The following DMD variants were observed in gnomAD, a reference collection of about 807,000 sequenced individuals.
The protein encoded by DMD is mutant dystrophin.
DMD carries 63 observed loss-of-function variants against 330.1 expected under a neutral mutation model. That is an observed-to-expected ratio of 0.19 (90% CI 0.16 to 0.24). The LOEUF (loss-of-function observed/expected upper bound fraction) is 0.24, where lower values mean the gene tolerates loss of function less well. Among genes scored for constraint, DMD ranks in the 10% least tolerant of loss-of-function variants. The pLI, the probability that DMD is intolerant of heterozygous loss-of-function variation, is 1.00. For missense variants in DMD, 3,344 were observed against 2,684.1 expected, an observed-to-expected ratio of 1.25 and a Z score of -5.43; for synonymous variants, 1,223 against 959.8, an observed-to-expected ratio of 1.27 and a Z score of -5.07.
chrX:31,663,272 G>A (rs968370280), intron 53 of DMD, among the ~76,000 whole-genome samples: 4 of 111,382 alleles, frequency 3.6e-5, no homozygotes, highest in African/African-American at 9.8e-5. Context: ...ATTAGCACCC[G>A]ATGGTTCTGG....
intron 44 of DMD, among the ~76,000 whole-genome samples, chrX:32,205,480 G>C (rs138157861): frequency 1.5e-3 from 162 of 109,939 alleles, no homozygotes; most frequent in African/African-American, 4.6e-3. Flanking sequence ...CCTCTGCTCT[G>C]ACTCATCAAT....
intron 44 of DMD, among the ~76,000 whole-genome samples, chrX:32,072,895 C>T (rs775234858): frequency 9.0e-5 from 10 of 111,433 alleles, no homozygotes; most frequent in Non-Finnish European, 1.1e-4. Context: ...GTTTAATACT[C>T]GGCAAAGGAC....
chrX:32,311,301 T>G (rs191842132), intron 41 of DMD, among the ~76,000 whole-genome samples: 107 of 111,291 alleles, frequency 9.6e-4, no homozygotes, highest in African/African-American at 3.3e-3. Flanking sequence ...CATTTATTAC[T>G]GCACAGCCTT....
chrX:32,624,947 C>T (rs1043974954), intron 11 of DMD, among the ~76,000 whole-genome samples: 17 of 111,115 alleles, frequency 1.5e-4, no homozygotes, highest in African/African-American at 5.6e-4. Context: ...GCTGAGGCGG[C>T]GGATCACAAG....
intron 50 of DMD, among the ~76,000 whole-genome samples, chrX:31,812,548 C>G (rs2092493426): frequency 9.2e-6 from 1 of 108,911 alleles, no homozygotes; most frequent in African/African-American, 3.4e-5. Flanking sequence ...GCACATGTAC[C>G]CTAAAACTTA....
chrX:31,462,562 G>C (rs1054161758), intron 59 of DMD, among the ~76,000 whole-genome samples: 4 of 111,764 alleles, frequency 3.6e-5, no homozygotes, highest in African/African-American at 1.3e-4. Context: ...ACAATGTGAG[G>C]TTTCACCTGA....
intron 2 of DMD, among the ~76,000 whole-genome samples, chrX:32,863,883 A>C (rs1386724485): frequency 8.9e-6 from 1 of 112,153 alleles, no homozygotes; most frequent in East Asian, 2.8e-4. Flanking sequence ...TGGTTTATTC[A>C]TTCTTTCTTC....
intron 1 of DMD, among the ~76,000 whole-genome samples, chrX:33,222,911 T>C (rs1473234061): frequency 8.9e-6 from 1 of 112,301 alleles, no homozygotes; most frequent in African/African-American, 3.2e-5. Flanking sequence ...AATTGATCTA[T>C]AGACTCAATG....
chrX:32,517,969 C>A, intron 18 of DMD, 39 bp downstream of exon 18: 1 of 1,199,872 alleles, frequency 8.3e-7, no homozygotes, highest in South Asian at 1.8e-5. Context: ...ACAAGCAGCA[C>A]AAAATGAGTA....
chrX:32,889,843 C>T (rs986716021), intron 2 of DMD, among the ~76,000 whole-genome samples: 1 of 111,225 alleles, frequency 9.0e-6, no homozygotes, highest in Non-Finnish European at 1.9e-5. Flanking sequence ...AGCCTTGTTG[C>T]TCACACAAAG....
chrX:32,670,748 G>A (rs1006660948), intron 9 of DMD, among the ~76,000 whole-genome samples: 1 of 112,151 alleles, frequency 8.9e-6, no homozygotes, highest in Admixed American at 9.5e-5. Context: ...TTTATTTTTA[G>A]TAAAGATTCA....
intron 62 of DMD, among the ~76,000 whole-genome samples, chrX:31,319,057 C>CA (rs1405448437): frequency 5.3e-5 from 6 of 112,209 alleles, no homozygotes; most frequent in Non-Finnish European, 1.1e-4. Context: ...TTGATCTCTC[C>CA]ATTTCTGCAC....
chrX:31,576,504 T>C (rs1458753418), intron 55 of DMD, among the ~76,000 whole-genome samples: 6 of 110,163 alleles, frequency 5.4e-5, no homozygotes, highest in African/African-American at 1.7e-4. Context: ...TGTTAATATG[T>C]ACGTTCTCAA....
rs747572343 is a variant in DMD, at chrX:31,549,974, T to G, written c.8218-42521A>C. ...CCATAGGTTAAGTTTGAGATTATTT[T>G]GAAATATCTGAACTACTCAGCAGGT... On this transcript the variant is annotated intron_variant, in intron 55 of 78. Transcript: ENST00000357033. Among the ~76,000 whole-genome samples the G allele has an allele frequency of 1.1e-3, 126 of 112,459 alleles. 1 individual carries two copies. The highest frequency in any genetic ancestry group is 4.0e-3 in the African/African-American group (125 of 31,006).
chrX:31,790,632 G>T (rs1309177137), intron 50 of DMD, among the ~76,000 whole-genome samples: 1 of 110,899 alleles, frequency 9.0e-6, no homozygotes, highest in Non-Finnish European at 1.9e-5. Flanking sequence ...AAGTTGGGAA[G>T]GGATTTATCT....
chrX:33,339,277 T>A, exon 1 of DMD: 1 of 1,027,514 alleles, frequency 9.7e-7, no homozygotes, highest in Non-Finnish European at 1.3e-6. Flanking sequence ...CCAGCTGTTT[T>A]TCCTGTCACT....
intron 11 of DMD, among the ~76,000 whole-genome samples, chrX:32,624,969 G>T (rs766229057): frequency 9.0e-6 from 1 of 111,148 alleles, no homozygotes; most frequent in Non-Finnish European, 1.9e-5. Flanking sequence ...TCAGGAGTTC[G>T]AAAGCATCCT....
At position 32,849,769 on chromosome X, in the gene DMD, G is replaced by A. The variant is rs147548697; in HGVS notation, c.145C>T (p.Arg49Cys). 63 of 1,206,862 alleles carry A rather than the reference G, an allele frequency of 5.2e-5. No homozygotes were observed. Among genetic ancestry groups the A allele is most frequent in the Admixed American group, 1.3e-4 (6 of 45,473 alleles). ...AGGCCTTCGAGGAGGTCTAGGAGGC[G>A]CCTCCCATCCTGTAGGTCACTGAAG... ...NLFSDLQDGR[R>C]LLDLLEGLTG... is the part of the protein sequence containing the mutation. Residue 49 changes from arginine to cysteine, a missense_variant, in exon 3 of 79, where the codon CGC (arginine) becomes TGC (cysteine). Transcript: ENST00000357033.
intron 52 of DMD, among the ~76,000 whole-genome samples, chrX:31,716,661 T>C (rs2030005): frequency 0.14 from 15,318 of 111,034 alleles, 910 homozygotes; most frequent in Admixed American, 0.31. Context: ...TAGAAATTAA[T>C]GCCTCTGAGA....
Sources: allele counts gnomAD v4.1 joint callset (sites outside exome capture counted in the v4.1 genomes callset), GRCh38; gene constraint gnomAD v4.1.1; transcripts MANE v1.5; gene names NCBI Gene and HGNC (gene_info 2026-07-23, HGNC 2026-07-21).